Variants in ICA1 observed in about 807,000 individuals in gnomAD.
The protein encoded by ICA1 is 69 kDa islet cell autoantigen.
Under a neutral mutation model 71.0 loss-of-function variants are expected in ICA1, and 40 were observed. The observed-to-expected ratio is 0.56, with a 90% confidence interval of 0.44 to 0.73. The LOEUF is 0.73. Ranked by LOEUF, ICA1 falls within the 30% of genes least tolerant of loss-of-function variation. ICA1 has a pLI of 0.00. For missense variants in ICA1, 578 were observed against 576.5 expected (o/e 1.00, Z -0.03); for synonymous variants, 207 against 209.5 (o/e 0.99, Z 0.10).
At chr7:8,152,663 C>T (rs1298712377) in intron 8 of ICA1, among the ~76,000 whole-genome samples, 421 of 148,912 alleles carry the variant, frequency 2.8e-3, no homozygotes, top group African/African-American at 0.01. Context: ...CCACCACCAC[C>T]ACCACCATTA....
chr7:8,127,383 A>C (rs913712818), intron 13 of ICA1, among the ~76,000 whole-genome samples: 2 of 152,096 alleles, frequency 1.3e-5, no homozygotes, highest in African/African-American at 4.8e-5. Flanking sequence ...GAACCAGAAG[A>C]GTGGATCTAG....
At chr7:8,199,987 T>C (rs185141131) in intron 6 of ICA1, among the ~76,000 whole-genome samples, 1 of 152,230 alleles carries the variant, frequency 6.6e-6, no homozygotes, top group East Asian at 1.9e-4. Context: ...TAAGACCTAG[T>C]ATGTGATAGC....
chr7:8,120,114 G>C (rs978155613), intron 13 of ICA1, among the ~76,000 whole-genome samples: 1 of 152,184 alleles, frequency 6.6e-6, no homozygotes, highest in South Asian at 2.1e-4. Context: ...TGGGAGCTAA[G>C]ATGACGGGAA....
chr7:8,182,653 A>C (rs992129122), intron 6 of ICA1, among the ~76,000 whole-genome samples: 6 of 152,230 alleles, frequency 3.9e-5, no homozygotes, highest in African/African-American at 1.4e-4. Flanking sequence ...AAAAAATTAA[A>C]GGGTTATTAA....
chr7:8,212,690 T>A (rs1158265879), intron 6 of ICA1, among the ~76,000 whole-genome samples: 3 of 152,174 alleles, frequency 2.0e-5, no homozygotes, highest in Non-Finnish European at 2.9e-5. Flanking sequence ...ACAGCTGGTG[T>A]CAGCAAGGGC....
chr7:8,223,430 T>C lies in ICA1; in HGVS notation c.257-2032A>G, dbSNP rs1797698822. 2 of 154,520 alleles carry C rather than the reference T, an allele frequency of 1.3e-5. No homozygotes were observed. Among genetic ancestry groups the C allele is most frequent in the Admixed American group, 6.5e-5 (1 of 15,270 alleles). 9.6% of individuals were successfully genotyped at this position (154,520 alleles called of 1,614,324 possible). A position where few individuals can be genotyped will look rare whatever the true frequency, so the allele number is the denominator to read the frequency against. ...CATTTTAGGCACTTGTGGATCAACT[T>C]GGGGCAGCAAACAGGTTTCATTTTA... On this transcript the variant is annotated intron_variant, in intron 4 of 13. Coordinates refer to ENST00000402384, the MANE Select transcript of ICA1 (RefSeq NM_001136020.3). The surrounding 1 kb of genome is among the most constrained non-coding windows in gnomAD (Gnocchi z 4.1).
chr7:8,174,755 C>CAAAAAAA, intron 6 of ICA1, among the ~76,000 whole-genome samples: 1 of 83,458 alleles, frequency 1.2e-5, no homozygotes, highest in South Asian at 5.3e-4. Context: ...GACTGTATCT[C>CAAAAAAA]AAAAAAAAAA....
chr7:8,239,234 T>C (rs1479311105), intron 1 of ICA1, among the ~76,000 whole-genome samples: 1 of 152,232 alleles, frequency 6.6e-6, no homozygotes, highest in Admixed American at 6.5e-5. Context: ...CTATCTTGTT[T>C]TGCTCTATCA....
intron 6 of ICA1, among the ~76,000 whole-genome samples, chr7:8,208,290 A>T (rs1486085661): frequency 2.0e-5 from 3 of 152,224 alleles, no homozygotes; most frequent in African/African-American, 7.2e-5. Context: ...TTCTAACAAA[A>T]GCAACTTACA....
At position 8,222,835 on chromosome 7, in the gene ICA1, CT is replaced by C. The variant is rs1797533320; in HGVS notation, c.257-1438del. ...ACAGCAGTGCTCTCTGGGCACCTGA[CT>C]TAGCACTCACCTTGTGTGACTGGGC... On this transcript the variant is annotated intron_variant, in intron 4 of 13. Coordinates refer to ENST00000402384, the MANE Select transcript of ICA1 (RefSeq NM_001136020.3). This position sits in a 1 kb window ranked among gnomAD's most constrained non-coding sequence, Gnocchi z 4.8. Among the ~76,000 whole-genome samples the C allele has an allele frequency of 6.6e-6, 1 of 152,204 alleles. No individual in the cohort carries two copies. The highest frequency in any genetic ancestry group is 2.4e-5 in the African/African-American group (1 of 41,466).
intron 6 of ICA1, among the ~76,000 whole-genome samples, chr7:8,198,863 A>G (rs768389213): frequency 4.6e-5 from 7 of 152,372 alleles, no homozygotes; most frequent in South Asian, 2.1e-4. Flanking sequence ...CAATGGATTA[A>G]TAACTAGAGT....
chr7:8,157,325 T>G (rs985749570), intron 7 of ICA1, 111 bp from the exon 8 acceptor site: 5 of 1,056,318 alleles, frequency 4.7e-6, no homozygotes, highest in Non-Finnish European at 6.7e-6. Flanking sequence ...AGCATGATTC[T>G]AACTCATTTC....
intron 10 of ICA1, among the ~76,000 whole-genome samples, chr7:8,140,806 G>A (rs1052541753): frequency 1.3e-5 from 2 of 152,204 alleles, no homozygotes; most frequent in Non-Finnish European, 2.9e-5. Context: ...AGGCAGATAG[G>A]AGAAAAGCAA....
At chr7:8,235,569 CT>C (rs1323162227) in intron 2 of ICA1, among the ~76,000 whole-genome samples, 2 of 152,122 alleles carry the variant, frequency 1.3e-5, no homozygotes, top group Non-Finnish European at 2.9e-5. Context: ...CCTTGTAACT[CT>C]AATGTTAGAA....
intron 6 of ICA1, among the ~76,000 whole-genome samples, chr7:8,213,212 C>T (rs1264915877): frequency 6.6e-6 from 1 of 152,180 alleles, no homozygotes; most frequent in Non-Finnish European, 1.5e-5. Context: ...AAATTCTCCT[C>T]ATAAAAGAAC....
intron 6 of ICA1, among the ~76,000 whole-genome samples, chr7:8,201,069 A>G (rs2128330771): frequency 6.6e-6 from 1 of 152,338 alleles, no homozygotes; most frequent in South Asian, 2.1e-4. Context: ...TTAGTCATAG[A>G]AAATTGGGGC....
At chr7:8,192,094 G>A (rs1171647706) in intron 6 of ICA1, among the ~76,000 whole-genome samples, 2 of 151,970 alleles carry the variant, frequency 1.3e-5, no homozygotes, top group African/African-American at 2.4e-5. Context: ...TAAAAATAGG[G>A]AACTCTCTTA....
chr7:8,123,157 C>G lies in ICA1; in HGVS notation c.1330+4716G>C, dbSNP rs560176803. ...AAATCCCAGCTAAAATTAACTTCAT[C>G]TTCTCATTTTCAGCACAACTTGATT... On this transcript the variant is annotated intron_variant, in intron 13 of 13. Transcript: ENST00000402384. The surrounding 1 kb of genome is among the most constrained non-coding windows in gnomAD (Gnocchi z 4.1). 6.6e-6 allele frequency among the ~76,000 whole-genome samples: 1 copy of G among 152,318 alleles called. No individual in the cohort carries two copies. The highest frequency in any genetic ancestry group is 3.4e-3 in the Middle Eastern group (1 of 294).
chr7:8,237,534 T>C (rs1370304987), intron 1 of ICA1, among the ~76,000 whole-genome samples: 3 of 152,100 alleles, frequency 2.0e-5, no homozygotes, highest in Non-Finnish European at 4.4e-5. Context: ...GTACAACAGA[T>C]CTCTAGAACT....
Sources: gnomAD v4.1 joint callset for allele counts (sites outside exome capture counted in the v4.1 genomes callset) on GRCh38, gnomAD v4.1.1 for gene constraint, Gnocchi (gnomAD v3.1) non-coding constraint, MANE v1.5 for transcripts, NCBI Gene and HGNC (gene_info 2026-07-23, HGNC 2026-07-21) for gene names.